DYRK1A: variants seen among roughly 807,000 people sequenced by gnomAD.
DYRK1A encodes dual specificity tyrosine-phosphorylation-regulated kinase 1A.
DYRK1A carries 9 observed loss-of-function variants against 79.7 expected under a neutral mutation model. The observed-to-expected ratio is 0.11, with a 90% confidence interval of 0.07 to 0.20. The LOEUF (loss-of-function observed/expected upper bound fraction) is 0.20, where lower values mean the gene tolerates loss of function less well. DYRK1A is among the 10% of genes least tolerant of loss of function. DYRK1A has a pLI of 1.00. For missense variants in DYRK1A, 622 were observed against 956.0 expected (o/e 0.65, Z 4.61); for synonymous variants, 349 against 329.7 (o/e 1.06, Z -0.63).
intron 2 of DYRK1A, among the ~76,000 whole-genome samples, chr21:37,460,294 C>T (rs2051796928): frequency 6.6e-6 from 1 of 152,072 alleles, no homozygotes; most frequent in African/African-American, 2.4e-5. Flanking sequence ...ATTGATTTGT[C>T]TGTGCTCTTT....
chr21:37,376,009 G>A (rs1332526915), intron 1 of DYRK1A, among the ~76,000 whole-genome samples: 2 of 151,910 alleles, frequency 1.3e-5, no homozygotes, highest in Non-Finnish European at 2.9e-5. Flanking sequence ...ACAAGCAGAC[G>A]AGGAGATGAA....
At chr21:37,379,058 G>A (rs1390390284) in intron 1 of DYRK1A, among the ~76,000 whole-genome samples, 1 of 152,130 alleles carries the variant, frequency 6.6e-6, no homozygotes, top group Non-Finnish European at 1.5e-5. Flanking sequence ...ATCAGATGAG[G>A]GAGAGAGGGA....
In DYRK1A at chr21:37,454,085, C is replaced by CTTTTTTTTTTT. The variant is rs571859735; in HGVS notation, c.11-18584_11-18574dup. On this transcript the variant is annotated intron_variant, in intron 2 of 11. Transcript: ENST00000647188. ...CTTTCATATTATGAGATGTAGTCTC[C>CTTTTTTTTTTT]TTTTTTTTTTTTTTTTTTTTTTTTT... Among the ~76,000 whole-genome samples the CTTTTTTTTTTT allele has an allele frequency of 7.9e-3, 471 of 59,618 alleles. 71 individuals carry two copies. Among genetic ancestry groups the CTTTTTTTTTTT allele is most frequent in the East Asian group, 0.019 (31 of 1,614 alleles). 39.1% of individuals were successfully genotyped at this position (59,618 alleles called of 152,430 possible).
At chr21:37,384,447 G>A (rs1196498878) in intron 1 of DYRK1A, among the ~76,000 whole-genome samples, 2 of 152,058 alleles carry the variant, frequency 1.3e-5, no homozygotes, top group Non-Finnish European at 2.9e-5. Flanking sequence ...TTGGTAGTGG[G>A]GCTAAACTAG....
At chr21:37,481,758 C>G (rs1601234800) in intron 5 of DYRK1A, 1 of 152,056 alleles carries the variant, frequency 6.6e-6, no homozygotes, top group East Asian at 1.9e-4. Context: ...ATAATCCCAG[C>G]ACTTTGGGAA....
At chr21:37,415,040 A>G (rs548941451) in intron 1 of DYRK1A, among the ~76,000 whole-genome samples, 1 of 152,220 alleles carries the variant, frequency 6.6e-6, no homozygotes, top group East Asian at 1.9e-4. Context: ...GTGTCAGTGC[A>G]TTATGTATTG....
chr21:37,383,108 A>G (rs919581804), intron 1 of DYRK1A, among the ~76,000 whole-genome samples: 4 of 152,224 alleles, frequency 2.6e-5, no homozygotes, highest in Admixed American at 2.6e-4. Flanking sequence ...TGTGGCCTCC[A>G]TGACTGGCAG....
intron 1 of DYRK1A, among the ~76,000 whole-genome samples, chr21:37,398,067 T>TAAA (rs111780739): frequency 3.9e-4 from 39 of 98,928 alleles, no homozygotes; most frequent in Admixed American, 1.3e-3. Flanking sequence ...CCTCATCTCT[T>TAAA]AAAAAAAAAA....
At chr21:37,508,695 A>G (rs750477006) in intron 11 of DYRK1A, among the ~76,000 whole-genome samples, 5 of 152,128 alleles carry the variant, frequency 3.3e-5, no homozygotes, top group Non-Finnish European at 7.4e-5. Flanking sequence ...CACCGAGGCC[A>G]TTCTTTCTCC....
At chr21:37,457,041 T>TTAGTTAC (rs1569339620) in intron 2 of DYRK1A, among the ~76,000 whole-genome samples, 4 of 46,970 alleles carry the variant, frequency 8.5e-5, no homozygotes, top group Non-Finnish European at 2.0e-4. Flanking sequence ...TACTTACTTA[T>TTAGTTAC]TTATTTATTT....
At chr21:37,388,398 T>G (rs138025392) in intron 1 of DYRK1A, among the ~76,000 whole-genome samples, 1 of 152,272 alleles carries the variant, frequency 6.6e-6, no homozygotes, top group East Asian at 1.9e-4. Context: ...TCTTTTGCAT[T>G]TGTAAAAGCA....
chr21:37,482,090 C>CT (rs1161595743), intron 5 of DYRK1A, among the ~76,000 whole-genome samples: 2 of 152,238 alleles, frequency 1.3e-5, no homozygotes, highest in African/African-American at 4.8e-5. Flanking sequence ...CCTAAATTGC[C>CT]TTTTTTTGTT....
chr21:37,482,792 ACCC>A (rs2052700921), intron 5 of DYRK1A, among the ~76,000 whole-genome samples: 1 of 152,156 alleles, frequency 6.6e-6, no homozygotes, highest in Non-Finnish European at 1.5e-5. Context: ...TCAGAGACCT[ACCC>A]TCAGGGGCTC....
chr21:37,496,755 A>G (rs1479396373), intron 9 of DYRK1A, among the ~76,000 whole-genome samples: 1 of 152,186 alleles, frequency 6.6e-6, no homozygotes, highest in Admixed American at 6.5e-5. Flanking sequence ...GTCCTTTGAT[A>G]GACTTCAGAT....
At chr21:37,373,866 T>C (rs1011345793) in intron 1 of DYRK1A, among the ~76,000 whole-genome samples, 2 of 152,216 alleles carry the variant, frequency 1.3e-5, no homozygotes, top group African/African-American at 4.8e-5. Flanking sequence ...CATTGCCTGT[T>C]ACACTTCAAA....
chr21:37,439,858 A>G (rs779829461), intron 2 of DYRK1A, among the ~76,000 whole-genome samples: 3 of 152,044 alleles, frequency 2.0e-5, no homozygotes, highest in Non-Finnish European at 4.4e-5. Context: ...AGATTACCAC[A>G]TGGTTTTTAT....
At chr21:37,402,343 G>A (rs1040618815) in intron 1 of DYRK1A, among the ~76,000 whole-genome samples, 5 of 151,996 alleles carry the variant, frequency 3.3e-5, no homozygotes, top group Admixed American at 2.0e-4. Context: ...CTAAATGTCT[G>A]TATTCAGTCT....
At chr21:37,403,659 A>ATGTGTGTGTG (rs1481509376) in intron 1 of DYRK1A, among the ~76,000 whole-genome samples, 1 of 125,318 alleles carries the variant, frequency 8.0e-6, no homozygotes, top group Non-Finnish European at 1.6e-5. Context: ...ATATATATAT[A>ATGTGTGTGTG]TATATGTGTG....
chr21:37,423,626 C>A (rs2050536531), intron 2 of DYRK1A, among the ~76,000 whole-genome samples: 1 of 152,002 alleles, frequency 6.6e-6, no homozygotes, highest in African/African-American at 2.4e-5. Flanking sequence ...TCCTGTGGAC[C>A]ATGATTTGGG....
Sources: gnomAD v4.1 joint callset for allele counts (sites outside exome capture counted in the v4.1 genomes callset) on GRCh38, gnomAD v4.1.1 for gene constraint, MANE v1.5 for transcripts, NCBI Gene and HGNC (gene_info 2026-07-23, HGNC 2026-07-21) for gene names.